Variants in GPR141 observed in about 807,000 individuals in gnomAD.
GPR141 encodes G protein-coupled receptor 141.
In GPR141, 6 loss-of-function variants were observed where a neutral mutation model predicts 6.8. That is an observed-to-expected ratio of 0.88 (90% CI 0.48 to 1.74). The LOEUF is 1.74. Among genes scored for constraint, GPR141 ranks in the 40% most tolerant of loss-of-function variants. The pLI is 0.01. For missense variants in GPR141, 372 were observed against 372.9 expected (o/e 1.00, Z 0.02); for synonymous variants, 140 against 142.3 (o/e 0.98, Z 0.11).
At chr7:37,729,493 C>G (rs1453550596) in intron 2 of GPR141, among the ~76,000 whole-genome samples, 1 of 152,170 alleles carries the variant, frequency 6.6e-6, no homozygotes, top group Admixed American at 6.5e-5. Flanking sequence ...ATTATTTCAC[C>G]CATTCAGTTA....
intron 2 of GPR141, among the ~76,000 whole-genome samples, chr7:37,694,012 T>C (rs999493079): frequency 6.6e-5 from 10 of 152,142 alleles, no homozygotes; most frequent in African/African-American, 1.4e-4. Flanking sequence ...TATAGGGCAC[T>C]GTTTCGGCTT....
Position 37,712,965 on chromosome 7 carries a change from G to A in GPR141, c.-15+27382G>A, listed in dbSNP as rs189468394. Reference sequence around the variant, plus strand: ...GTCTTCATCTTCCTCTTAAAACCAGGGGCTAGCCCAGCATGTTTTTCTCAT... The same window carrying A: ...GTCTTCATCTTCCTCTTAAAACCAGAGGCTAGCCCAGCATGTTTTTCTCAT... On this transcript the variant is annotated intron_variant, in intron 2 of 2. Coordinates refer to ENST00000334425, the MANE Select transcript of GPR141 (RefSeq NM_001381946.1). 1.6e-3 allele frequency among the ~76,000 whole-genome samples: 238 copies of A among 152,186 alleles called. 1 individual carries two copies. Among genetic ancestry groups the A allele is most frequent in the African/African-American group, 5.3e-3 (221 of 41,494 alleles).
intron 2 of GPR141, among the ~76,000 whole-genome samples, chr7:37,694,312 G>A (rs1279400313): frequency 6.6e-6 from 1 of 152,176 alleles, no homozygotes; most frequent in African/African-American, 2.4e-5. Context: ...TTACTTGGGA[G>A]GCAATGCACA....
rs555759734 is a variant in GPR141 at position 37,708,190 on chromosome 7, A to G, written c.-15+22607A>G. Among the ~76,000 whole-genome samples, 4 of 152,032 alleles carry G rather than the reference A, an allele frequency of 2.6e-5. No homozygotes were observed. In the South Asian group the frequency reaches 8.3e-4, roughly 32 times the overall value. ...GGCCATACTGAAGCATGATGAGGAC[A>G]TGTGGTTGAATCCAGGTAAATGACT... On this transcript the variant is annotated intron_variant, in intron 2 of 2. Transcript: ENST00000334425.
intron 2 of GPR141, among the ~76,000 whole-genome samples, chr7:37,725,846 T>G (rs542860418): frequency 3.3e-5 from 5 of 152,168 alleles, no homozygotes; most frequent in Admixed American, 3.3e-4. Context: ...CTTTGTTTTT[T>G]TTTTTCCTTC....
chr7:37,728,416 G>C (rs1434719231), intron 2 of GPR141, among the ~76,000 whole-genome samples: 1 of 152,146 alleles, frequency 6.6e-6, no homozygotes, highest in East Asian at 1.9e-4. Flanking sequence ...GTTTTAAAAT[G>C]GTGCAGGGAG....
chr7:37,727,444 A>G (rs571307794), intron 2 of GPR141, among the ~76,000 whole-genome samples: 1 of 152,192 alleles, frequency 6.6e-6, no homozygotes, highest in Non-Finnish European at 1.5e-5. Flanking sequence ...TAATTAAAAT[A>G]ACAACTCTGA....
At chr7:37,703,328 A>G (rs1810376077) in intron 2 of GPR141, among the ~76,000 whole-genome samples, 1 of 151,886 alleles carries the variant, frequency 6.6e-6, no homozygotes, top group Admixed American at 6.6e-5. Flanking sequence ...CTGTGGTTTC[A>G]CTATGCTGTG....
chr7:37,740,554 C>A lies in GPR141; in HGVS notation c.161C>A (p.Ala54Glu). ...AACACCCGGTCAGTGACCACCATGG[C>A]GGTCATTAACTTGGTGGTGGTCCAC... ...KMNTRSVTTM[A>E]VINLVVVHSV... Residue 54 changes from alanine (A) to glutamate (E), a missense_variant, in exon 3 of 3, where the codon GCG becomes GAG. Transcript: ENST00000334425. 1 of 1,614,002 alleles carries A rather than the reference C, an allele frequency of 6.2e-7. No individual in the cohort carries two copies. Among genetic ancestry groups the A allele is most frequent in the South Asian group, 1.1e-5 (1 of 91,072 alleles).
rs890173905 is a variant in GPR141 at position 37,742,202 on chromosome 7, G to A, written c.*891G>A. Among the ~76,000 whole-genome samples the A allele has an allele frequency of 6.6e-6, 1 of 151,934 alleles. No individual in the cohort carries two copies. The highest frequency in any genetic ancestry group is 2.4e-5 in the African/African-American group (1 of 41,372). ...TTAAGATTTTTAGGGGGGACAGAAA[G>A]TTATACTGAAATCTTTAGAGCTCCC... is the stretch of plus-strand genomic sequence containing the variant. On this transcript the variant is annotated 3_prime_UTR_variant, in exon 3 of 3. Transcript: ENST00000334425.
intron 2 of GPR141, among the ~76,000 whole-genome samples, chr7:37,722,026 T>A (rs1811351047): frequency 6.6e-6 from 1 of 152,192 alleles, no homozygotes; most frequent in Non-Finnish European, 1.5e-5. Flanking sequence ...AGAAATAAAC[T>A]TTTGACTTTA....
chr7:37,708,310 C>CAAGAAAA (rs1810622468), intron 2 of GPR141, among the ~76,000 whole-genome samples: 1 of 59,776 alleles, frequency 1.7e-5, no homozygotes, highest in African/African-American at 7.1e-5. Context: ...AAATTGCTGG[C>CAAGAAAA]AAAAAAAAAA....
intron 2 of GPR141, among the ~76,000 whole-genome samples, chr7:37,731,298 TG>T (rs1281164332): frequency 6.6e-6 from 1 of 152,118 alleles, no homozygotes; most frequent in African/African-American, 2.4e-5. Flanking sequence ...CCTGCATAGG[TG>T]GGGAGGTGAT....
chr7:37,736,816 A>C (rs1438704003), intron 2 of GPR141, among the ~76,000 whole-genome samples: 1 of 152,204 alleles, frequency 6.6e-6, no homozygotes, highest in Non-Finnish European at 1.5e-5. Flanking sequence ...TCTTCAGCAG[A>C]AGGAAAGTTA....
In GPR141 at chr7:37,722,971, CTTCCTTCCTTCT is replaced by C. The variant is rs1305518211; in HGVS notation, c.-14-17405_-14-17394del. ...CCTTCCTTCCTTCCTTCCTTCCTTC[CTTCCTTCCTTCT>C]TTCTTTCTTTCTTTTTTTTTTTTGA... On this transcript the variant is annotated intron_variant, in intron 2 of 2. Coordinates refer to ENST00000334425, the MANE Select transcript of GPR141 (RefSeq NM_001381946.1). 1.0e-3 allele frequency among the ~76,000 whole-genome samples: 111 copies of C among 105,822 alleles called. 1 individual carries two copies. Among genetic ancestry groups the C allele is most frequent in the Admixed American group, 4.6e-3 (47 of 10,270 alleles). The allele number at this position is 105,822 out of a possible 152,430, so 69.4% of individuals were successfully genotyped here. A position where few individuals can be genotyped will look rare whatever the true frequency, so the allele number is the denominator to read the frequency against.
At position 37,740,784 on chromosome 7, in the gene GPR141, C is replaced by T. The variant is rs778049306; in HGVS notation, c.391C>T (p.His131Tyr). 6.2e-7 allele frequency: 1 copy of T among 1,614,118 alleles called. No homozygotes were observed. Among genetic ancestry groups the T allele is most frequent in the Admixed American group, 1.7e-5 (1 of 60,014 alleles). The change falls in exon 3 of 3, where the codon CAT (histidine) becomes TAT (tyrosine). Residue 131 changes from histidine (H) to tyrosine (Y), a missense_variant. Coordinates refer to ENST00000334425, the MANE Select transcript of GPR141 (RefSeq NM_001381946.1). Reference sequence around the variant, plus strand: ...CAAAGTGGAATTCTACAGAAAACTGCATGCTGTGGCTGCCAGTGCTGGCAT... The same window carrying T: ...CAAAGTGGAATTCTACAGAAAACTGTATGCTGTGGCTGCCAGTGCTGGCAT... ...KDKVEFYRKLHAVAASAGMWT... is the reference protein window; with the variant it reads ...KDKVEFYRKLYAVAASAGMWT...
At chr7:37,698,760 C>A (rs977819932) in intron 2 of GPR141, among the ~76,000 whole-genome samples, 2 of 152,124 alleles carry the variant, frequency 1.3e-5, no homozygotes, top group Admixed American at 1.3e-4. Flanking sequence ...TTAGAGTGAT[C>A]TTACTTGAGC....
chr7:37,715,229 C>T (rs1245833414), intron 2 of GPR141, among the ~76,000 whole-genome samples: 1 of 152,148 alleles, frequency 6.6e-6, no homozygotes, highest in Admixed American at 6.5e-5. Flanking sequence ...TCAAGCACTT[C>T]ACCTGCCTCA....
chr7:37,734,444 A>G (rs1208352657), intron 2 of GPR141, among the ~76,000 whole-genome samples: 1 of 152,218 alleles, frequency 6.6e-6, no homozygotes, highest in African/African-American at 2.4e-5. Context: ...TTTAGAGACT[A>G]TCTTCTATGT....
Sources: allele counts gnomAD v4.1 joint callset (sites outside exome capture counted in the v4.1 genomes callset), GRCh38; gene constraint gnomAD v4.1.1; transcripts MANE v1.5; gene names NCBI Gene and HGNC (gene_info 2026-07-23, HGNC 2026-07-21).